Variants in DST observed in about 807,000 individuals in gnomAD.
DST encodes the protein bullous pemphigoid antigen.
Under a neutral mutation model 875.2 loss-of-function variants are expected in DST, and 253 were observed. The ratio of observed to expected loss-of-function variants is 0.29; its 90% CI spans 0.26 to 0.32. DST has a LOEUF of 0.32. Among genes scored for constraint, DST ranks in the 10% least tolerant of loss-of-function variants. The pLI is 1.00. For missense variants in DST, 8,287 were observed against 9,111.6 expected (o/e 0.91, Z 3.68); for synonymous variants, 3,124 against 3,197.1 (o/e 0.98, Z 0.77).
intron 9 of DST, among the ~76,000 whole-genome samples, chr6:56,684,843 T>C (rs1015313734): frequency 2.0e-5 from 3 of 152,202 alleles, no homozygotes; most frequent in Non-Finnish European, 4.4e-5. Flanking sequence ...TCTCGGCTTC[T>C]ATACTGGCAA....
At chr6:56,472,658 G>A (rs2094953869) in intron 93 of DST, among the ~76,000 whole-genome samples, 1 of 152,100 alleles carries the variant, frequency 6.6e-6, no homozygotes, top group Non-Finnish European at 1.5e-5. Context: ...AGCAGATGAG[G>A]GCAGCAGGCA....
intron 4 of DST, among the ~76,000 whole-genome samples, chr6:56,847,788 C>A (rs2099808756): frequency 6.6e-6 from 1 of 152,194 alleles, no homozygotes; most frequent in Non-Finnish European, 1.5e-5. Context: ...CTCAACTAAT[C>A]CCTGTAACAA....
At chr6:56,689,329 G>C (rs1272302763) in intron 9 of DST, among the ~76,000 whole-genome samples, 1 of 152,154 alleles carries the variant, frequency 6.6e-6, no homozygotes, top group African/African-American at 2.4e-5. Flanking sequence ...GGCAAAGCCT[G>C]ACTAGAAGAA....
chr6:56,735,465 G>A (rs569178867), intron 4 of DST, among the ~76,000 whole-genome samples, 176 bp from the exon 5 acceptor site: 2 of 152,232 alleles, frequency 1.3e-5, no homozygotes, highest in Admixed American at 1.3e-4. Flanking sequence ...TTAAAGAGCT[G>A]CTTGTCAGGT....
At chr6:56,684,373 A>C (rs2099170486) in intron 9 of DST, among the ~76,000 whole-genome samples, 1 of 152,224 alleles carries the variant, frequency 6.6e-6, no homozygotes, top group Non-Finnish European at 1.5e-5. Context: ...ATTTATGTCA[A>C]TAGTAGAAAA....
At position 56,609,310 on chromosome 6, in the gene DST, G is replaced by T; in HGVS notation, c.5318C>A (p.Thr1773Lys). The T allele has an allele frequency of 1.2e-6, 2 of 1,612,410 alleles. No individual in the cohort carries two copies. The highest frequency in any genetic ancestry group is 1.7e-6 in the Non-Finnish European group (2 of 1,179,224). The change falls in exon 40 of 104, where the codon ACA (threonine) becomes AAA (lysine). Residue 1773 changes from threonine to lysine, a missense_variant. Coordinates refer to ENST00000680361, the MANE Select transcript of DST (RefSeq NM_001374736.1). ...AAAGACTGAAAGGACTTCTCCAGTT[G>T]TCTGATCAATGGTGCCTGCAATCAC... ...DKVIAGTIDQTTGEVLSVFQA... is the reference protein window; with the variant it reads ...DKVIAGTIDQKTGEVLSVFQA...
At chr6:56,622,827 T>C (rs2098702875) in intron 36 of DST, among the ~76,000 whole-genome samples, 1 of 152,188 alleles carries the variant, frequency 6.6e-6, no homozygotes, top group Non-Finnish European at 1.5e-5. Flanking sequence ...CTAATATCTA[T>C]TACAGATATT....
At chr6:56,888,491 G>A (rs1392799132) in intron 3 of DST, among the ~76,000 whole-genome samples, 1 of 152,146 alleles carries the variant, frequency 6.6e-6, no homozygotes, top group East Asian at 1.9e-4. Context: ...TAAGGTATGA[G>A]TTGTACAGTT....
rs1321223352 is a variant in DST, at chr6:56,609,133, A to C, written c.5495T>G (p.Leu1832Arg). 6.2e-7 allele frequency: 1 copy of C among 1,613,900 alleles called. No individual in the cohort carries two copies. Among genetic ancestry groups the C allele is most frequent in the Admixed American group, 1.7e-5 (1 of 59,994 alleles). ...KSHGLIDEQILCQLKELSKAK... is the reference protein window; with the variant it reads ...KSHGLIDEQIRCQLKELSKAK... ...TTTACTTAGTTCTTTGAGTTGGCACAGAATTTGTTCATCAATAAGGCCATG... is the reference window on the plus strand; with the variant it reads ...TTTACTTAGTTCTTTGAGTTGGCACCGAATTTGTTCATCAATAAGGCCATG... Residue 1832 changes from leucine to arginine, a missense_variant, in exon 40 of 104, where the codon CTG becomes CGG. Transcript: ENST00000680361.
chr6:56,633,074 T>A (rs751629417), intron 27 of DST, 37 bp from the exon 28 acceptor site: 1 of 1,575,912 alleles, frequency 6.3e-7, no homozygotes, highest in East Asian at 2.2e-5. Context: ...TTCATTCTAT[T>A]ACTCATAGAT....
intron 3 of DST, chr6:56,861,800 C>T (rs1771298172): frequency 6.6e-6 from 1 of 152,206 alleles, no homozygotes; most frequent in Non-Finnish European, 1.5e-5. Context: ...CCCTCCCATT[C>T]CCTGACACCG....
intron 16 of DST, 76 bp from the exon 17 acceptor site, chr6:56,642,177 T>C (rs1295325265): frequency 1.3e-5 from 16 of 1,262,148 alleles, no homozygotes; most frequent in East Asian, 2.3e-5. Flanking sequence ...ACATCAAATA[T>C]TGGAACAGAA....
chr6:56,787,986 G>A (rs1224066093), intron 4 of DST, among the ~76,000 whole-genome samples: 1 of 151,438 alleles, frequency 6.6e-6, no homozygotes, highest in Non-Finnish European at 1.5e-5. Flanking sequence ...CAGGCATGGT[G>A]GCGGGCACCT....
At chr6:56,748,796 C>T (rs1393135700) in intron 4 of DST, among the ~76,000 whole-genome samples, 1 of 152,152 alleles carries the variant, frequency 6.6e-6, no homozygotes, top group Non-Finnish European at 1.5e-5. Flanking sequence ...TATTCTAATA[C>T]CTTTTCCACT....
At chr6:56,743,192 T>C (rs1044347750) in intron 4 of DST, among the ~76,000 whole-genome samples, 14 of 152,148 alleles carry the variant, frequency 9.2e-5, no homozygotes, top group African/African-American at 3.4e-4. Flanking sequence ...CAAACTATCT[T>C]TGGCATTCTT....
chr6:56,771,486 A>G (rs989538606), intron 4 of DST, among the ~76,000 whole-genome samples: 11 of 152,182 alleles, frequency 7.2e-5, no homozygotes, highest in African/African-American at 2.7e-4. Context: ...TGTTGCTGTA[A>G]TTTTATTTTT....
intron 3 of DST, among the ~76,000 whole-genome samples, chr6:56,868,295 G>A (rs1287131590): frequency 6.6e-6 from 1 of 152,182 alleles, no homozygotes; most frequent in African/African-American, 2.4e-5. Context: ...TCAGGTCACT[G>A]TTCTGGGCCT....
Position 56,628,088 on chromosome 6 carries a change from T to C in DST, c.4549A>G (p.Ile1517Val). 1 of 1,613,776 alleles carries C rather than the reference T, an allele frequency of 6.2e-7. No individual in the cohort carries two copies. Among genetic ancestry groups the C allele is most frequent in the Middle Eastern group, 1.6e-4 (1 of 6,062 alleles). The change falls in exon 33 of 104, where the codon ATC (isoleucine) becomes GTC (valine). Residue 1517 changes from isoleucine (I) to valine (V), a missense_variant. Coordinates refer to ENST00000680361, the MANE Select transcript of DST (RefSeq NM_001374736.1). ...RDTYHPLDDWIQQVETTQRKI... is the reference protein window; with the variant it reads ...RDTYHPLDDWVQQVETTQRKI... ...CTCTGAGTAGTTTCAACCTGCTGGA[T>C]CCAATCATCTAAAGGATGGTAAGTG...
rs1302878335 is a variant in DST at position 56,616,699 on chromosome 6, G to A, written c.4930-2215C>T. The A allele has an allele frequency of 6.2e-7, 1 of 1,614,058 alleles. No homozygotes were observed. The highest frequency in any genetic ancestry group is 2.2e-5 in the East Asian group (1 of 44,888). ...GAGGAACACGAATGCCTCTCACAGG[G>A]TCAATGACACCCCCACTGGCAATCT... On this transcript the variant is annotated intron_variant, in intron 36 of 103. Transcript: ENST00000680361.
Sources: allele counts gnomAD v4.1 joint callset (sites outside exome capture counted in the v4.1 genomes callset), GRCh38; gene constraint gnomAD v4.1.1; transcripts MANE v1.5; gene names NCBI Gene and HGNC (gene_info 2026-07-23, HGNC 2026-07-21).